The following SAMTOR variants were observed in gnomAD, a reference collection of about 807,000 sequenced individuals.
The protein encoded by SAMTOR is UPF0532 protein C7orf60.
At chr7:112,822,062 C>T in the SAMTOR span, 1 of 1,613,640 alleles carries the variant, frequency 6.2e-7, no homozygotes, top group Non-Finnish European at 8.5e-7. Context: ...GTTTAAAGCC[C>T]AGGGACTCTA....
the SAMTOR span, among the ~76,000 whole-genome samples, chr7:112,907,162 A>G: frequency 6.6e-6 from 1 of 152,200 alleles, no homozygotes; most frequent in Admixed American, 6.5e-5. Context: ...ATGGAATATG[A>G]CAGAAAAGCT....
chr7:112,824,491 T>A, the SAMTOR span, among the ~76,000 whole-genome samples: 5,771 of 152,104 alleles, frequency 0.038, 192 homozygotes, highest in Admixed American at 0.085. Context: ...CTCTCCTGAG[T>A]AGCTGGGACT....
chr7:112,911,937 C>G, the SAMTOR span, among the ~76,000 whole-genome samples: 1 of 151,708 alleles, frequency 6.6e-6, no homozygotes. Context: ...TGTCTAAAAA[C>G]TCAATGTTAT....
At chr7:112,822,383 C>T in the SAMTOR span, 1 of 1,569,008 alleles carries the variant, frequency 6.4e-7, no homozygotes, top group Non-Finnish European at 8.6e-7. Context: ...TCTGCAGAAA[C>T]AGAAAACAAG....
the SAMTOR span, among the ~76,000 whole-genome samples, chr7:112,831,796 G>A: frequency 6.6e-6 from 1 of 152,186 alleles, no homozygotes. Context: ...CAGGCCAAGT[G>A]TTAAGTAGTT....
chr7:112,934,490 C>T, the SAMTOR span, among the ~76,000 whole-genome samples: 1 of 152,134 alleles, frequency 6.6e-6, no homozygotes, highest in African/African-American at 2.4e-5. Flanking sequence ...CATCTTTGAC[C>T]CTTCTTTATT....
chr7:112,915,578 TAAACATTTA>T, the SAMTOR span: 1 of 546,292 alleles, frequency 1.8e-6, no homozygotes, highest in Non-Finnish European at 2.8e-6. Context: ...CATAAAATTT[TAAACATTTA>T]AAATGTTTAA....
the SAMTOR span, among the ~76,000 whole-genome samples, chr7:112,834,375 C>A: frequency 5.3e-5 from 8 of 151,556 alleles, no homozygotes; most frequent in Admixed American, 1.3e-4. Flanking sequence ...CCCATGGATA[C>A]ACTTTACTTT....
chr7:112,892,095 T>C, the SAMTOR span, among the ~76,000 whole-genome samples: 3 of 152,346 alleles, frequency 2.0e-5, no homozygotes, highest in Admixed American at 1.3e-4. Flanking sequence ...CTAAATCCTT[T>C]GTCATTCTAA....
the SAMTOR span, among the ~76,000 whole-genome samples, chr7:112,826,153 G>C: frequency 3.3e-5 from 5 of 152,090 alleles, no homozygotes; most frequent in African/African-American, 1.2e-4. Context: ...ACATTTGTCT[G>C]ATTTTGATAC....
chr7:112,938,391 G>A, the SAMTOR span, among the ~76,000 whole-genome samples: 2 of 152,196 alleles, frequency 1.3e-5, no homozygotes, highest in African/African-American at 4.8e-5. Flanking sequence ...AACCTTTAAA[G>A]TTTGAAAAAT....
At chr7:112,860,555 C>T in the SAMTOR span, among the ~76,000 whole-genome samples, 1 of 152,050 alleles carries the variant, frequency 6.6e-6, no homozygotes, top group Admixed American at 6.6e-5. Flanking sequence ...AAAGGAGTAG[C>T]TCATCAAGAT....
At chr7:112,878,440 G>T in the SAMTOR span, among the ~76,000 whole-genome samples, 3 of 152,130 alleles carry the variant, frequency 2.0e-5, no homozygotes, top group Middle Eastern at 3.2e-3. Context: ...CTATGAAAGG[G>T]CTTCTGAGAC....
the SAMTOR span, among the ~76,000 whole-genome samples, chr7:112,920,195 C>G: frequency 2.0e-5 from 3 of 152,168 alleles, no homozygotes; most frequent in African/African-American, 7.2e-5. Flanking sequence ...ATGCAAAAAT[C>G]CTCAATAAAA....
the SAMTOR span, among the ~76,000 whole-genome samples, chr7:112,866,406 C>G: frequency 6.6e-6 from 1 of 152,152 alleles, no homozygotes. Context: ...TATTATAAAA[C>G]TTGGAATAGG....
the SAMTOR span, among the ~76,000 whole-genome samples, chr7:112,908,650 G>A: frequency 2.0e-5 from 3 of 152,072 alleles, no homozygotes; most frequent in Non-Finnish European, 4.4e-5. Flanking sequence ...ACCACCTACA[G>A]GGATAAGAAA....
the SAMTOR span, among the ~76,000 whole-genome samples, chr7:112,827,119 C>A: frequency 6.6e-6 from 1 of 152,092 alleles, no homozygotes; most frequent in African/African-American, 2.4e-5. Flanking sequence ...TGTAGCCATG[C>A]CAGCTTTCTT....
chr7:112,850,203 A>AAACAAC, the SAMTOR span, among the ~76,000 whole-genome samples: 1 of 150,160 alleles, frequency 6.7e-6, no homozygotes, highest in African/African-American at 2.5e-5. Flanking sequence ...CTCCGTCTCA[A>AAACAAC]AACAACAACA....
chr7:112,848,446 A>C, the SAMTOR span, among the ~76,000 whole-genome samples: 1 of 152,180 alleles, frequency 6.6e-6, no homozygotes, highest in Non-Finnish European at 1.5e-5. Flanking sequence ...ATACTCAAGA[A>C]ATTAGTCCAG....
Sources: gnomAD v4.1 joint callset for allele counts (sites outside exome capture counted in the v4.1 genomes callset) on GRCh38, gnomAD v4.1.1 for gene constraint, MANE v1.5 for transcripts, NCBI Gene and HGNC (gene_info 2026-07-23, HGNC 2026-07-21) for gene names.